PRKAR2A: variants seen among roughly 807,000 people sequenced by gnomAD.
PRKAR2A encodes cAMP-dependent protein kinase type II-alpha regulatory subunit.
A neutral mutation model predicts 51.9 loss-of-function variants in PRKAR2A; 29 were observed. That is an observed-to-expected ratio of 0.56 (90% CI 0.42 to 0.76). The LOEUF (loss-of-function observed/expected upper bound fraction) is 0.76, where lower values mean the gene tolerates loss of function less well. PRKAR2A is among the 30% of genes least tolerant of loss of function. PRKAR2A has a pLI of 0.00. For missense variants in PRKAR2A, 445 were observed against 512.1 expected (o/e 0.87, Z 1.26); for synonymous variants, 178 against 186.2 (o/e 0.96, Z 0.36).
At chr3:48,815,467 C>T (rs184519663) in intron 1 of PRKAR2A, among the ~76,000 whole-genome samples, 20 of 151,198 alleles carry the variant, frequency 1.3e-4, no homozygotes, top group Non-Finnish European at 2.2e-4. Context: ...GAGGCTGAGG[C>T]GGGCGGATCA....
intron 1 of PRKAR2A, among the ~76,000 whole-genome samples, chr3:48,817,721 G>C (rs1271952919): frequency 6.7e-6 from 1 of 149,620 alleles, no homozygotes; most frequent in Admixed American, 6.6e-5. Flanking sequence ...AACCAAGTAA[G>C]GACTGAGGGA....
intron 1 of PRKAR2A, among the ~76,000 whole-genome samples, chr3:48,822,949 G>A (rs937344114): frequency 6.6e-6 from 1 of 151,726 alleles, no homozygotes; most frequent in East Asian, 1.9e-4. Flanking sequence ...ATTTGGCTTT[G>A]GAATCACAAA....
intron 1 of PRKAR2A, among the ~76,000 whole-genome samples, chr3:48,843,585 A>G (rs2083412987): frequency 6.6e-6 from 1 of 152,220 alleles, no homozygotes. Flanking sequence ...ACTTCAAACT[A>G]TAATACAAGG....
intron 6 of PRKAR2A, among the ~76,000 whole-genome samples, chr3:48,772,459 G>C (rs917673205): frequency 2.6e-5 from 4 of 151,980 alleles, no homozygotes; most frequent in Admixed American, 2.6e-4. Context: ...TTCCCGCCTT[G>C]GCCTCCCCAA....
intron 1 of PRKAR2A, among the ~76,000 whole-genome samples, chr3:48,843,943 A>C (rs1259932061): frequency 2.0e-5 from 3 of 150,518 alleles, no homozygotes; most frequent in African/African-American, 7.3e-5. Context: ...CTTCATGTCT[A>C]AAACACCAAA....
At chr3:48,840,513 T>A (rs891580472) in intron 1 of PRKAR2A, among the ~76,000 whole-genome samples, 1 of 151,506 alleles carries the variant, frequency 6.6e-6, no homozygotes, top group South Asian at 2.1e-4. Flanking sequence ...TATACCATAT[T>A]TTGTTTATCC....
chr3:48,809,167 T>G (rs9879978), intron 1 of PRKAR2A, among the ~76,000 whole-genome samples: 124,431 of 152,138 alleles, frequency 0.82, 51,256 homozygotes, highest in East Asian at 1. Flanking sequence ...CTGGAGAAAA[T>G]GAGTCATTGC....
At chr3:48,813,681 G>A (rs1344927982) in intron 1 of PRKAR2A, among the ~76,000 whole-genome samples, 5 of 151,948 alleles carry the variant, frequency 3.3e-5, no homozygotes, top group Admixed American at 6.6e-5. Flanking sequence ...GCAACAGAGC[G>A]AGACTCCATC....
At chr3:48,782,007 A>G (rs1464391531) in intron 5 of PRKAR2A, among the ~76,000 whole-genome samples, 3 of 152,226 alleles carry the variant, frequency 2.0e-5, no homozygotes, top group African/African-American at 7.2e-5. Flanking sequence ...TAAGATAAAA[A>G]AACTATTTTT....
chr3:48,808,293 G>A (rs1276214473), intron 1 of PRKAR2A, among the ~76,000 whole-genome samples: 3 of 151,886 alleles, frequency 2.0e-5, no homozygotes, highest in East Asian at 1.9e-4. Flanking sequence ...TCGCTCTGTC[G>A]CCCAGGCTGG....
At chr3:48,807,618 T>G in intron 2 of PRKAR2A, 31 bp downstream of exon 2, 1 of 1,489,282 alleles carries the variant, frequency 6.7e-7, no homozygotes, top group Non-Finnish European at 9.3e-7. Flanking sequence ...AAATAACATT[T>G]TAGAAGTATG....
chr3:48,836,407 C>T (rs1285029480), intron 1 of PRKAR2A, among the ~76,000 whole-genome samples: 12 of 71,710 alleles, frequency 1.7e-4, no homozygotes, highest in East Asian at 8.4e-4. Flanking sequence ...GGCGACAGTG[C>T]GAGACTCCGT....
chr3:48,842,995 G>C (rs1385784514), intron 1 of PRKAR2A, among the ~76,000 whole-genome samples: 1 of 152,142 alleles, frequency 6.6e-6, no homozygotes, highest in Non-Finnish European at 1.5e-5. Flanking sequence ...AATGGTACCA[G>C]TTCCTCCTTG....
chr3:48,836,892 G>A (rs2083295916), intron 1 of PRKAR2A, among the ~76,000 whole-genome samples: 1 of 152,046 alleles, frequency 6.6e-6, no homozygotes, highest in African/African-American at 2.4e-5. Flanking sequence ...AGCACTTTGG[G>A]AGATGAGGCG....
intron 1 of PRKAR2A, among the ~76,000 whole-genome samples, chr3:48,829,873 T>TATATATATATA (rs1559646973): frequency 3.2e-5 from 2 of 62,900 alleles, no homozygotes; most frequent in African/African-American, 1.4e-4. Flanking sequence ...ATATATATAT[T>TATATATATATA]TTTTTTTTTT....
rs1369433340 is a variant in PRKAR2A at position 48,765,227 on chromosome 3, T to G, written c.798+21A>C. On this transcript the variant is annotated intron_variant, in intron 7 of 10. Coordinates refer to ENST00000265563, the MANE Select transcript of PRKAR2A (RefSeq NM_004157.4). ...GCTTTTCCTGATCCCCATGAACAGATTCTTATTCAAGCCACTTTACCTCTA... is the reference window on the plus strand; with the variant it reads ...GCTTTTCCTGATCCCCATGAACAGAGTCTTATTCAAGCCACTTTACCTCTA... 4 of 1,585,810 alleles carry G rather than the reference T, an allele frequency of 2.5e-6. No individual in the cohort carries two copies. The African/African-American group carries it at 4.1e-5, about 16-fold the overall frequency.
intron 5 of PRKAR2A, among the ~76,000 whole-genome samples, chr3:48,782,384 T>C (rs1480483560): frequency 6.6e-6 from 1 of 151,936 alleles, no homozygotes; most frequent in African/African-American, 2.4e-5. Context: ...CACTGGCAAA[T>C]AACATGTTTA....
intron 1 of PRKAR2A, among the ~76,000 whole-genome samples, chr3:48,808,477 T>C (rs1355201017): frequency 1.3e-5 from 2 of 152,120 alleles, no homozygotes; most frequent in African/African-American, 4.8e-5. Context: ...ATGGTCTCGA[T>C]CTCCTGACCT....
At chr3:48,768,850 G>A (rs889451149) in intron 6 of PRKAR2A, among the ~76,000 whole-genome samples, 1 of 151,994 alleles carries the variant, frequency 6.6e-6, no homozygotes, top group Non-Finnish European at 1.5e-5. Context: ...TGTAATCCCA[G>A]CACTTTGGGA....
Sources: allele counts gnomAD v4.1 joint callset (sites outside exome capture counted in the v4.1 genomes callset), GRCh38; gene constraint gnomAD v4.1.1; transcripts MANE v1.5; gene names NCBI Gene and HGNC (gene_info 2026-07-23, HGNC 2026-07-21).